Variants in LOXHD1 observed in about 807,000 individuals in gnomAD.
LOXHD1 encodes lipoxygenase homology domain-containing protein 1.
Under a neutral mutation model 248.2 loss-of-function variants are expected in LOXHD1, and 205 were observed. The ratio of observed to expected loss-of-function variants is 0.83; its 90% CI spans 0.74 to 0.93. LOXHD1 has a LOEUF of 0.93. Among genes scored for constraint, LOXHD1 ranks in the 40% least tolerant of loss-of-function variants. The pLI, the probability that LOXHD1 is intolerant of heterozygous loss-of-function variation, is 0.00. For missense variants in LOXHD1, 2,930 were observed against 2,971.6 expected, an observed-to-expected ratio of 0.99 and a Z score of 0.33; for synonymous variants, 1,113 against 1,162.8, an observed-to-expected ratio of 0.96 and a Z score of 0.87.
intron 25 of LOXHD1, among the ~76,000 whole-genome samples, chr18:46,541,390 C>T (rs751171960): frequency 1.3e-5 from 2 of 152,094 alleles, no homozygotes; most frequent in Non-Finnish European, 2.9e-5. Flanking sequence ...ATGTTAATGA[C>T]TGGAGTAAGG....
rs1342988332 is a variant in LOXHD1, at chr18:46,477,902, T to C, written c.6392A>G (p.Tyr2131Cys). 7.7e-6 allele frequency: 12 copies of C among 1,551,342 alleles called. No homozygotes were observed. Among genetic ancestry groups the C allele is most frequent in the Non-Finnish European group, 9.6e-6 (11 of 1,146,722 alleles). Residue 2131 changes from tyrosine to cysteine, a missense_variant, in exon 41 of 41, where the codon TAC becomes TGC. Physicochemically the swap from Tyr to Cys is radical, Grantham distance 194. Transcript: ENST00000642948. Reference protein sequence around the residue: ...CLIPLKRKRKYFKVFEVTKTT... With the variant: ...CLIPLKRKRKCFKVFEVTKTT... ...CTTGGTAACCTCGAATACCTTGAAG[T>C]ACTTCCTCTTCCTCTTGAGGGGGAT...
At chr18:46,505,189 T>C (rs546241687) in intron 37 of LOXHD1, among the ~76,000 whole-genome samples, 2 of 151,714 alleles carry the variant, frequency 1.3e-5, no homozygotes, top group African/African-American at 2.4e-5. Flanking sequence ...ATCCCTTCTT[T>C]TTTTTTTTTT....
intron 4 of LOXHD1, among the ~76,000 whole-genome samples, chr18:46,622,567 T>C (rs1182035681): frequency 6.6e-6 from 1 of 151,920 alleles, no homozygotes; most frequent in African/African-American, 2.4e-5. Flanking sequence ...CTCTGTGGCC[T>C]GGAATGGGAG....
At chr18:46,526,673 C>T (rs2035844962) in intron 29 of LOXHD1, among the ~76,000 whole-genome samples, 1 of 152,184 alleles carries the variant, frequency 6.6e-6, no homozygotes, top group Non-Finnish European at 1.5e-5. Flanking sequence ...CATGGGGAGC[C>T]TTTGCAGGCT....
Position 46,604,321 on chromosome 18 carries a change from C to CT in LOXHD1, c.760-93dup. ...CCAATCTTCCAATCACTTGAGTCTA[C>CT]TTTAAGAATGTACTGATATCTGTTT... On this transcript the variant is annotated intron_variant, in intron 6 of 40. Transcript: ENST00000642948. 4.7e-6 allele frequency: 7 copies of CT among 1,488,352 alleles called. No individual in the cohort carries two copies. In the South Asian group the frequency reaches 7.7e-5, roughly 16 times the overall value. The allele number at this position is 1,488,352 out of a possible 1,614,324, so 92.2% of individuals were successfully genotyped here.
chr18:46,601,885 G>A (rs1044826235), intron 7 of LOXHD1, among the ~76,000 whole-genome samples: 1 of 152,146 alleles, frequency 6.6e-6, no homozygotes, highest in Non-Finnish European at 1.5e-5. Flanking sequence ...GGAGATTTAC[G>A]TTCAGGGCTA....
chr18:46,493,391 T>C (rs181955734), intron 37 of LOXHD1, among the ~76,000 whole-genome samples: 16 of 152,378 alleles, frequency 1.1e-4, no homozygotes, highest in African/African-American at 3.6e-4. Context: ...CTTTGTTTTC[T>C]CATATATTGT....
intron 11 of LOXHD1, 40 bp from the exon 12 acceptor site, chr18:46,592,108 G>C: frequency 6.4e-7 from 1 of 1,551,696 alleles, no homozygotes; most frequent in Admixed American, 2.0e-5. Flanking sequence ...GGTGCACCAG[G>C]GATGTTCACC....
In LOXHD1 at chr18:46,594,369, A is replaced by G. The variant is rs1051872085; in HGVS notation, c.1232T>C (p.Leu411Pro). 5 of 1,551,478 alleles carry G rather than the reference A, an allele frequency of 3.2e-6. No homozygotes were observed. Among genetic ancestry groups the G allele is most frequent in the South Asian group, 2.4e-5 (2 of 84,062 alleles). The change falls in exon 9 of 41, where the codon CTC (leucine) becomes CCC (proline). Residue 411 changes from leucine to proline, a missense_variant. Physicochemically the swap from Leu to Pro is moderately conservative, Grantham distance 98. Coordinates refer to ENST00000642948, the MANE Select transcript of LOXHD1 (RefSeq NM_001384474.1). ...CTTCCTGAGAGACACCATCTCATAG[A>G]GCTGCCTCTCAATCAACCCATCCGC... ...KKADGLIERQ[L>P]YEMVSLRKKR...
intron 26 of LOXHD1, among the ~76,000 whole-genome samples, chr18:46,536,943 T>C (rs1206468419): frequency 6.6e-6 from 1 of 152,222 alleles, no homozygotes. Flanking sequence ...CAGGGTCTCC[T>C]GCGCTTCCCC....
chr18:46,486,415 C>T (rs1484862230), intron 38 of LOXHD1, among the ~76,000 whole-genome samples: 1 of 152,198 alleles, frequency 6.6e-6, no homozygotes, highest in Non-Finnish European at 1.5e-5. Context: ...AAGGAGAAAT[C>T]TCTGCTACCT....
At chr18:46,566,176 G>T in intron 17 of LOXHD1, 81 bp downstream of exon 17, 1 of 1,430,672 alleles carries the variant, frequency 7.0e-7, no homozygotes, top group Non-Finnish European at 9.4e-7. Context: ...GACCTGCTTT[G>T]CCCCATGGTC....
At chr18:46,527,674 T>C (rs1343530701) in intron 29 of LOXHD1, among the ~76,000 whole-genome samples, 3 of 152,132 alleles carry the variant, frequency 2.0e-5, no homozygotes, top group African/African-American at 7.2e-5. Flanking sequence ...TTTTTGGCAT[T>C]CTATTTTTGC....
intron 14 of LOXHD1, among the ~76,000 whole-genome samples, chr18:46,576,033 C>G (rs1342938487): frequency 6.6e-6 from 1 of 152,158 alleles, no homozygotes; most frequent in Non-Finnish European, 1.5e-5. Context: ...TGCAGGCAGG[C>G]CTTTCCCATT....
intron 21 of LOXHD1, among the ~76,000 whole-genome samples, chr18:46,553,566 A>C (rs2037195529): frequency 6.6e-6 from 1 of 152,346 alleles, no homozygotes; most frequent in Middle Eastern, 3.4e-3. Context: ...TTTACTCATT[A>C]GTGTATTTAA....
intron 6 of LOXHD1, among the ~76,000 whole-genome samples, chr18:46,609,130 C>A (rs2038466648): frequency 6.6e-6 from 1 of 152,200 alleles, no homozygotes; most frequent in Non-Finnish European, 1.5e-5. Context: ...TTTCTCTCCC[C>A]CTCTTTCTGT....
intron 37 of LOXHD1, among the ~76,000 whole-genome samples, chr18:46,498,977 AG>A: frequency 6.6e-6 from 1 of 152,328 alleles, no homozygotes; most frequent in South Asian, 2.1e-4. Flanking sequence ...AGTCTAGAAA[AG>A]GATAGAATTC....
At chr18:46,584,750 G>A (rs2038027544) in intron 12 of LOXHD1, among the ~76,000 whole-genome samples, 2 of 151,960 alleles carry the variant, frequency 1.3e-5, no homozygotes. Flanking sequence ...TACCAAAACT[G>A]ACAAAGACGT....
At chr18:46,574,388 T>TACACATACACAC (rs2031973818) in intron 14 of LOXHD1, among the ~76,000 whole-genome samples, 1 of 125,242 alleles carries the variant, frequency 8.0e-6, no homozygotes, top group Non-Finnish European at 1.6e-5. Flanking sequence ...TGTGTACACA[T>TACACATACACAC]ACACACACAC....
Sources: gnomAD v4.1 joint callset for allele counts (sites outside exome capture counted in the v4.1 genomes callset) on GRCh38, gnomAD v4.1.1 for gene constraint, MANE v1.5 for transcripts, NCBI Gene and HGNC (gene_info 2026-07-23, HGNC 2026-07-21) for gene names.